ACACA: variants seen among roughly 807,000 people sequenced by gnomAD.
ACACA encodes acetyl-CoA carboxylase alpha, also known as acetyl-CoA carboxylase 1.
In ACACA, 103 loss-of-function variants were observed where a neutral mutation model predicts 296.1. That is an observed-to-expected ratio of 0.35 (90% CI 0.30 to 0.41). The LOEUF (loss-of-function observed/expected upper bound fraction) is 0.41. Ranked by LOEUF, ACACA falls within the 10% of genes least tolerant of loss-of-function variation. ACACA has a pLI of 1.00. For missense variants in ACACA, 1,554 were observed against 2,989.7 expected (o/e 0.52, Z 11.20); for synonymous variants, 953 against 1,038.6 (o/e 0.92, Z 1.58).
intron 55 of ACACA, 116 bp from the exon 56 acceptor site, chr17:37,087,555 A>G: frequency 1.6e-6 from 2 of 1,248,404 alleles, no homozygotes; most frequent in South Asian, 1.3e-5. Context: ...CATTTTAGTC[A>G]CGCCTCACCT....
chr17:37,332,678 G>A (rs1201185964), intron 2 of ACACA, among the ~76,000 whole-genome samples: 2 of 151,728 alleles, frequency 1.3e-5, no homozygotes, highest in African/African-American at 2.4e-5. Flanking sequence ...TTGGTAGGCC[G>A]AGGTGGGTAG....
intron 3 of ACACA, among the ~76,000 whole-genome samples, chr17:37,285,707 G>T (rs2082734182): frequency 7.7e-6 from 1 of 129,502 alleles, no homozygotes; most frequent in African/African-American, 2.9e-5. Context: ...CAGTTACTTG[G>T]GGTGGGGGGT....
chr17:37,194,226 G>A (rs1311675729), intron 35 of ACACA, among the ~76,000 whole-genome samples: 1 of 151,976 alleles, frequency 6.6e-6, no homozygotes, highest in African/African-American at 2.4e-5. Context: ...GTTTCATTAG[G>A]CATCTTCTTC....
intron 52 of ACACA, among the ~76,000 whole-genome samples, chr17:37,101,634 A>G (rs781662430): frequency 6.6e-6 from 1 of 152,184 alleles, no homozygotes; most frequent in Non-Finnish European, 1.5e-5. Context: ...CTTCAGTAGT[A>G]GTGTCCCTTT....
intron 3 of ACACA, among the ~76,000 whole-genome samples, chr17:37,329,815 C>T (rs1204098820): frequency 6.6e-6 from 1 of 151,880 alleles, no homozygotes; most frequent in African/African-American, 2.4e-5. Flanking sequence ...GTGGCAGGCG[C>T]CTGTAATCCC....
chr17:37,394,285 A>G (rs1348460869), intron 1 of ACACA, among the ~76,000 whole-genome samples: 2 of 150,566 alleles, frequency 1.3e-5, no homozygotes, highest in African/African-American at 4.9e-5. Flanking sequence ...ATCTCAGCTC[A>G]CTGCAACCTC....
At chr17:37,257,611 C>T (rs1002093128) in intron 14 of ACACA, 92 bp downstream of exon 14, 9 of 1,263,388 alleles carry the variant, frequency 7.1e-6, no homozygotes, top group Non-Finnish European at 1.0e-5. Flanking sequence ...ATTACTTTGA[C>T]AGCAGATGAT....
intron 3 of ACACA, among the ~76,000 whole-genome samples, chr17:37,324,730 G>A (rs2047519786): frequency 6.7e-6 from 1 of 148,334 alleles, no homozygotes; most frequent in African/African-American, 2.5e-5. Flanking sequence ...AGCTACTCGA[G>A]AGGCTGAGGC....
rs754309214 is a variant in ACACA at position 37,252,947 on chromosome 17, C to T, written c.1916G>A (p.Ser639Asn). The change falls in exon 15 of 56, where the codon AGC (serine) becomes AAC (asparagine). Residue 639 changes from serine to asparagine, a missense_variant. Physicochemically the swap from Ser to Asn is conservative, Grantham distance 46. Coordinates refer to ENST00000616317, the MANE Select transcript of ACACA (RefSeq NM_198834.3). ...EYLIKLLETE[S>N]FQMNRIDTGW... Reference sequence around the variant, plus strand: ...AGTATCAATTCTGTTCATCTGAAAGCTTTCAGTCTCTAACAATTTGATCAG... The same window carrying T: ...AGTATCAATTCTGTTCATCTGAAAGTTTTCAGTCTCTAACAATTTGATCAG... The T allele has an allele frequency of 6.2e-7, 1 of 1,614,112 alleles. No individual in the cohort carries two copies. Among genetic ancestry groups the T allele is most frequent in the Non-Finnish European group, 8.5e-7 (1 of 1,180,052 alleles).
chr17:37,129,596 C>T (rs1421887911), intron 46 of ACACA, 111 bp from the exon 47 acceptor site: 1 of 1,356,184 alleles, frequency 7.4e-7, no homozygotes, highest in Non-Finnish European at 1.0e-6. Context: ...TGGAATTGCA[C>T]CCAATAGTCC....
chr17:37,347,799 TA>T (rs1200806651), intron 1 of ACACA, among the ~76,000 whole-genome samples: 6 of 150,620 alleles, frequency 4.0e-5, no homozygotes, highest in Admixed American at 6.6e-5. Flanking sequence ...AAAGAATTTT[TA>T]AAAGCTAAAA....
At chr17:37,352,462 C>T (rs924323516) in intron 1 of ACACA, among the ~76,000 whole-genome samples, 2 of 152,008 alleles carry the variant, frequency 1.3e-5, no homozygotes, top group African/African-American at 4.8e-5. Context: ...TGTATAATCT[C>T]AACACTTTGG....
At chr17:37,357,024 A>G (rs762660113) in intron 1 of ACACA, among the ~76,000 whole-genome samples, 8 of 152,212 alleles carry the variant, frequency 5.3e-5, no homozygotes, top group Non-Finnish European at 1.2e-4. Context: ...TAGAGAGGTC[A>G]ACATCAGATG....
intron 6 of ACACA, 145 bp from the exon 7 acceptor site, chr17:37,277,259 T>C (rs2082321285): frequency 6.6e-6 from 5 of 755,856 alleles, no homozygotes; most frequent in Admixed American, 2.1e-5. Context: ...CTATGCTTGA[T>C]TGTTGGCAAA....
chr17:37,151,417 T>G lies in ACACA; in HGVS notation c.5452A>C (p.Lys1818Gln). ...TCTTTCCCAATAATATCTGTTATCT[T>G]GTACCTATTGGATATGGCCATGTCA... Reference protein sequence around the residue: ...HVEDEGESRYKITDIIGKEEG... With the variant: ...HVEDEGESRYQITDIIGKEEG... Residue 1818 changes from lysine to glutamine, a missense_variant, in exon 44 of 56, where the codon AAG becomes CAG. By Grantham distance (53) the Lys-to-Gln change is moderately conservative (BLOSUM62 1). Around this residue, in one of 16 missense-constraint regions of ACACA, gnomAD observed 553 missense variants for 1,043.6 expected, o/e 0.53. Transcript: ENST00000616317. 2 of 1,613,784 alleles carry G rather than the reference T, an allele frequency of 1.2e-6. No individual in the cohort carries two copies. The highest frequency in any genetic ancestry group is 1.7e-6 in the Non-Finnish European group (2 of 1,179,886).
chr17:37,272,484 T>C (rs2082111590), intron 9 of ACACA, among the ~76,000 whole-genome samples: 2 of 152,006 alleles, frequency 1.3e-5, no homozygotes, highest in South Asian at 4.1e-4. Flanking sequence ...TCTATGCTCA[T>C]ATAAACAGAA....
chr17:37,240,581 T>C lies in ACACA; in HGVS notation c.3033-17A>G. On this transcript the variant is annotated splice_polypyrimidine_tract_variant and intron_variant, in intron 23 of 55. Transcript: ENST00000616317. ...CTTCGGTACCTAGGCAAATAGAAAG[T>C]CTCCACTGAAAAACCTGACAATCCA... 1 of 1,605,962 alleles carries C rather than the reference T, an allele frequency of 6.2e-7. No individual in the cohort carries two copies. The highest frequency in any genetic ancestry group is 2.2e-5 in the East Asian group (1 of 44,824).
chr17:37,155,724 G>A lies in ACACA; in HGVS notation c.5406C>T (p.Asn1802=). ...PQDYKRVSAL[N]SVHCEHVEDE... is the part of the protein sequence containing the mutation. ...CTTCCACGTGTTCACAATGGACAGAGTTGAGAGCACTGACTCTCTTATAAT... is the reference window on the plus strand; with the variant it reads ...CTTCCACGTGTTCACAATGGACAGAATTGAGAGCACTGACTCTCTTATAAT... The change falls in exon 43 of 56, where the codon AAC becomes AAT. Residue 1802 remains asparagine, a synonymous_variant. Transcript: ENST00000616317. 1.9e-6 allele frequency: 3 copies of A among 1,611,572 alleles called. No individual in the cohort carries two copies. The highest frequency in any genetic ancestry group is 2.5e-6 in the Non-Finnish European group (3 of 1,179,038).
intron 52 of ACACA, among the ~76,000 whole-genome samples, chr17:37,098,789 C>T (rs1419448007): frequency 6.6e-6 from 1 of 152,242 alleles, no homozygotes; most frequent in African/African-American, 2.4e-5. Context: ...TACCCTGACT[C>T]AACAGACAGG....
Sources: gnomAD v4.1 joint callset for allele counts (sites outside exome capture counted in the v4.1 genomes callset) on GRCh38, gnomAD v4.1.1 for gene constraint, gnomAD v4.1.1 regional missense constraint, MANE v1.5 for transcripts, NCBI Gene and HGNC (gene_info 2026-07-23, HGNC 2026-07-21) for gene names.